Variants in MYO15A observed in about 807,000 individuals in gnomAD.
The protein encoded by MYO15A is unconventional myosin-XV.
MYO15A carries 308 observed loss-of-function variants against 394.6 expected under a neutral mutation model. That is an observed-to-expected ratio of 0.78 (90% CI 0.71 to 0.86). The LOEUF is 0.86. Among genes scored for constraint, MYO15A ranks in the 40% least tolerant of loss-of-function variants. The pLI, the probability that MYO15A is intolerant of heterozygous loss-of-function variation, is 0.00. For synonymous variants in MYO15A, 1,957 were observed against 2,003.8 expected (o/e 0.98, Z 0.62); for missense variants, 4,606 against 4,799.1 (o/e 0.96, Z 1.19).
chr17:18,159,623 G>A lies in MYO15A; in HGVS notation c.9247G>A (p.Gly3083Arg), dbSNP rs1470972691. 1 of 1,614,144 alleles carries A rather than the reference G, an allele frequency of 6.2e-7. No individual in the cohort carries two copies. Among genetic ancestry groups the A allele is most frequent in the Non-Finnish European group, 8.5e-7 (1 of 1,180,018 alleles). Reference sequence around the variant, plus strand: ...TCCTACAGCTGTAATGAGGTTCATGGGGGATGCCCCACTGAAGGGCCAGAG... The same window carrying A: ...TCCTACAGCTGTAATGAGGTTCATGAGGGATGCCCCACTGAAGGGCCAGAG... ...DMFLAVMRFM[G>R]DAPLKGQSDL... is the part of the protein sequence containing the mutation. Residue 3083 changes from glycine (G) to arginine (R), a missense_variant, in exon 55 of 66, where the codon GGG becomes AGG. By Grantham distance (125) the Gly-to-Arg change is moderately radical. Transcript: ENST00000647165.
intron 19 of MYO15A, among the ~76,000 whole-genome samples, chr17:18,139,918 C>A (rs936133818): frequency 2.0e-5 from 3 of 152,234 alleles, no homozygotes; most frequent in Non-Finnish European, 4.4e-5. Flanking sequence ...CTGTACTTAC[C>A]CCACTCTGGG....
Position 18,133,251 on chromosome 17 carries a change from G to C in MYO15A, c.4347G>C (p.Lys1449Asn), listed in dbSNP as rs2046200443. The C allele has an allele frequency of 6.2e-7, 1 of 1,614,062 alleles. No homozygotes were observed. The highest frequency in any genetic ancestry group is 1.3e-5 in the African/African-American group (1 of 74,926). The change falls in exon 12 of 66, where the codon AAG becomes AAC. Residue 1449 changes from lysine to asparagine, a missense_variant. Around this residue, in one of 2 missense-constraint regions of MYO15A, gnomAD observed 2,776 missense variants for 3,109.3 expected, o/e 0.89. Transcript: ENST00000647165. ...GTGGGAACTGTGAGATAGCAGGAAA[G>C]AGCGATGCAGATGACTTTCGCCGGC... ...NQGGNCEIAG[K>N]SDADDFRRLL...
At chr17:18,160,468 G>A (rs854806) in intron 56 of MYO15A, among the ~76,000 whole-genome samples, 1 of 151,950 alleles carries the variant, frequency 6.6e-6, no homozygotes, top group Admixed American at 6.5e-5. Context: ...AAGGTGGCAG[G>A]TCTGGGGCAA....
At chr17:18,135,925 G>C in intron 13 of MYO15A, 101 bp downstream of exon 13, 1 of 1,072,000 alleles carries the variant, frequency 9.3e-7, no homozygotes. Flanking sequence ...CCTCTCTCCT[G>C]CTCTCTCTGT....
chr17:18,132,563 C>T lies in MYO15A; in HGVS notation c.4317C>T (p.Asn1439=). 4.3e-6 allele frequency: 7 copies of T among 1,610,616 alleles called. No individual in the cohort carries two copies. Among genetic ancestry groups the T allele is most frequent in the Non-Finnish European group, 5.9e-6 (7 of 1,179,826 alleles). ...AGGCTGAGACCTACTACTATCTGAA[C>T]CAGGTGAGTGCCAGCAGGCATCTGA... is the stretch of plus-strand genomic sequence containing the variant. ...LQEAETYYYL[N]QGGNCEIAGK... Residue 1439 remains asparagine (N), a synonymous_variant, in exon 11 of 66, where the codon AAC becomes AAT. Transcript: ENST00000647165. This position sits in a 1 kb window ranked among gnomAD's most constrained non-coding sequence, Gnocchi z 4.6.
chr17:18,175,978 T>C (rs1337515669), intron 65 of MYO15A, among the ~76,000 whole-genome samples: 3 of 152,170 alleles, frequency 2.0e-5, no homozygotes, highest in African/African-American at 7.2e-5. Context: ...CCTGGAATGC[T>C]CTTCCTTGAT....
At chr17:18,128,437 C>T (rs185125134) in intron 7 of MYO15A, among the ~76,000 whole-genome samples, 353 of 152,266 alleles carry the variant, frequency 2.3e-3, no homozygotes, top group Non-Finnish European at 4.0e-3. Context: ...GCAAGGTGAT[C>T]CTGGGGGCGT....
chr17:18,167,779 G>A lies in MYO15A; in HGVS notation c.10082+56G>A. On this transcript the variant is annotated intron_variant, in intron 62 of 65. Transcript: ENST00000647165. ...GTGGACAGGCAACCCTGCCCTCTCA[G>A]CCCACCTCCACCCTCCTCAGAGCTG... 4 of 1,597,366 alleles carry A rather than the reference G, an allele frequency of 2.5e-6. No individual in the cohort carries two copies. In the Admixed American group the frequency reaches 6.7e-5, roughly 27 times the overall value.
chr17:18,124,384 C>T (rs2045993101), intron 2 of MYO15A, 99 bp from the exon 3 acceptor site: 1 of 1,309,922 alleles, frequency 7.6e-7, no homozygotes, highest in Admixed American at 1.9e-5. Context: ...GGTTCCCTCC[C>T]CAACAATGGT....
At chr17:18,140,983 C>G in intron 21 of MYO15A, 36 bp from the exon 22 acceptor site, 4 of 1,613,324 alleles carry the variant, frequency 2.5e-6, no homozygotes, top group Non-Finnish European at 1.7e-6. Context: ...CATGGCTGAG[C>G]CAATGTGCAG....
chr17:18,176,980 A>C (rs986174846), intron 65 of MYO15A: 1 of 152,202 alleles, frequency 6.6e-6, no homozygotes, highest in African/African-American at 2.4e-5. Context: ...CACATAGTAG[A>C]TGCTCCATAC....
chr17:18,149,178 T>C (rs1479465769), intron 33 of MYO15A, 38 bp from the exon 34 acceptor site: 1 of 1,612,656 alleles, frequency 6.2e-7, no homozygotes, highest in Admixed American at 1.7e-5. Flanking sequence ...CTGGGATCTC[T>C]CTGGGGGTCA....
At chr17:18,177,681 C>T (rs2047033118) in intron 65 of MYO15A, 1 of 152,292 alleles carries the variant, frequency 6.6e-6, no homozygotes, top group Non-Finnish European at 1.5e-5. Context: ...CAGTCTGGAG[C>T]TTCAAGGCTC....
intron 4 of MYO15A, chr17:18,125,464 G>A: frequency 1.8e-6 from 1 of 542,042 alleles, no homozygotes. Flanking sequence ...GGAGACCGAG[G>A]CAGGTGGATC....
intron 15 of MYO15A, among the ~76,000 whole-genome samples, chr17:18,137,051 G>C (rs2046292586): frequency 6.6e-6 from 1 of 152,218 alleles, no homozygotes; most frequent in African/African-American, 2.4e-5. Context: ...AATATGCAAG[G>C]GCTGGGAGGG....
rs746392243 is a variant in MYO15A at position 18,120,437 on chromosome 17, T to A, written c.1637T>A (p.Leu546Gln). ...CGCCAGCGCAACCTCCAGCGCGCGC[T>A]GTCGGCCTTCGGCGCCCACCGGGGC... is the stretch of plus-strand genomic sequence containing the variant. ...TPRQRNLQRALSAFGAHRGLG... is the reference protein window; with the variant it reads ...TPRQRNLQRAQSAFGAHRGLG... The change falls in exon 2 of 66, where the codon CTG becomes CAG. Residue 546 changes from leucine to glutamine, a missense_variant. Physicochemically the swap from Leu to Gln is moderately radical, Grantham distance 113 (BLOSUM62 -2). This residue lies in a region of MYO15A where 1,830 missense variants were observed against 1,689.7 expected (regional missense o/e 1.08). Transcript: ENST00000647165. 1 of 1,589,556 alleles carries A rather than the reference T, an allele frequency of 6.3e-7. No homozygotes were observed. The highest frequency in any genetic ancestry group is 1.1e-5 in the South Asian group (1 of 89,484).
At position 18,121,004 on chromosome 17, in the gene MYO15A, T is replaced by A; in HGVS notation, c.2204T>A (p.Leu735Gln). The change falls in exon 2 of 66, where the codon CTA becomes CAA. Residue 735 changes from leucine to glutamine, a missense_variant. Leu to Gln is a moderately radical substitution (Grantham distance 113). Around this residue, in one of 2 missense-constraint regions of MYO15A, gnomAD observed 1,830 missense variants for 1,689.7 expected, o/e 1.08. Coordinates refer to ENST00000647165, the MANE Select transcript of MYO15A (RefSeq NM_016239.4). The surrounding 1 kb of genome is among the most constrained non-coding windows in gnomAD (Gnocchi z 5.3). ...GTGAGCCCGGAGGTGCCCCCCGACC[T>A]ACTAGCCTTCCCAGGGCCCCGACCC... The part of the protein sequence containing the change: ...PAVSPEVPPD[L>Q]LAFPGPRPSF... 6 of 1,508,588 alleles carry A rather than the reference T, an allele frequency of 4.0e-6. No homozygotes were observed. Among genetic ancestry groups the A allele is most frequent in the Non-Finnish European group, 5.3e-6 (6 of 1,133,558 alleles). The allele number at this position is 1,508,588 out of a possible 1,614,324, so 93.5% of individuals were successfully genotyped here.
Position 18,168,358 on chromosome 17 carries a change from G to A in MYO15A, c.10082+635G>A, listed in dbSNP as rs150636761. 9.3e-3 allele frequency among the ~76,000 whole-genome samples: 1,410 copies of A among 152,076 alleles called. 21 individuals carry two copies. The highest frequency in any genetic ancestry group is 0.032 in the African/African-American group (1,322 of 41,424). On this transcript the variant is annotated intron_variant, in intron 62 of 65. Coordinates refer to ENST00000647165, the MANE Select transcript of MYO15A (RefSeq NM_016239.4). The stretch of plus-strand genomic sequence containing the variant: ...AGGCGAGCGGATCATGAGGTCAGGA[G>A]ATCGAGACCATCCTGGCTAACATGG...
chr17:18,172,349 C>A (rs777871778), intron 64 of MYO15A, 59 bp downstream of exon 64: 4 of 1,613,060 alleles, frequency 2.5e-6, no homozygotes, highest in Non-Finnish European at 3.4e-6. Context: ...TCCCCAACCC[C>A]CTCCAAGAGG....
Sources: gnomAD v4.1 joint callset for allele counts (sites outside exome capture counted in the v4.1 genomes callset) on GRCh38, gnomAD v4.1.1 for gene constraint, gnomAD v4.1.1 regional missense constraint, Gnocchi (gnomAD v3.1) non-coding constraint, MANE v1.5 for transcripts, NCBI Gene and HGNC (gene_info 2026-07-23, HGNC 2026-07-21) for gene names.